The following FSHR variants were observed in gnomAD, a reference collection of about 807,000 sequenced individuals.
FSHR encodes follicle stimulating hormone receptor.
Under a neutral mutation model 52.1 loss-of-function variants are expected in FSHR, and 46 were observed. That is an observed-to-expected ratio of 0.88 (90% CI 0.70 to 1.13). The LOEUF is 1.13. FSHR is among the 50% of genes most tolerant of loss of function. The pLI, the probability that FSHR is intolerant of heterozygous loss-of-function variation, is 0.00. For synonymous variants in FSHR, 399 were observed against 309.6 expected, an observed-to-expected ratio of 1.29 and a Z score of -3.03; for missense variants, 964 against 834.6, an observed-to-expected ratio of 1.16 and a Z score of -1.91.
At chr2:49,111,157 C>T (rs572173125) in intron 1 of FSHR, among the ~76,000 whole-genome samples, 2 of 152,122 alleles carry the variant, frequency 1.3e-5, no homozygotes, top group Non-Finnish European at 2.9e-5. Context: ...CATATGAGAG[C>T]CATGTTCTAT....
intron 6 of FSHR, among the ~76,000 whole-genome samples, chr2:48,986,713 A>G (rs1393417201): frequency 1.3e-5 from 2 of 152,308 alleles, no homozygotes; most frequent in East Asian, 1.9e-4. Flanking sequence ...GACAGGATCT[A>G]TATGTTTCCC....
chr2:49,060,787 G>T (rs1308498955), intron 2 of FSHR, among the ~76,000 whole-genome samples: 1 of 152,078 alleles, frequency 6.6e-6, no homozygotes, highest in East Asian at 1.9e-4. Context: ...CTCTCTCCCT[G>T]GGGAGTGCAG....
At chr2:48,994,934 T>A (rs1441388529) in intron 4 of FSHR, among the ~76,000 whole-genome samples, 3 of 152,114 alleles carry the variant, frequency 2.0e-5, no homozygotes, top group African/African-American at 7.2e-5. Context: ...AAAGTGAGCT[T>A]CTCTCCAATC....
rs1558457105 is a variant in FSHR, at chr2:49,127,898, C to CTTCTTCTTCTTCTTT, written c.152+26367_152+26368insAAAGAAGAAGAAGAA. 2.6e-3 allele frequency among the ~76,000 whole-genome samples: 70 copies of CTTCTTCTTCTTCTTT among 27,240 alleles called. 14 individuals carry two copies. The highest frequency in any genetic ancestry group is 4.8e-3 in the Admixed American group (11 of 2,286). 17.9% of individuals were successfully genotyped at this position (27,240 alleles called of 152,430 possible). A position where few individuals can be genotyped will look rare whatever the true frequency, so the allele number is the denominator to read the frequency against. ...TCTTCTTCTTCTTCTTCTTCTTCTT[C>CTTCTTCTTCTTCTTT]TTTTTTTTTTTTGAGACGGAGTCTT... On this transcript the variant is annotated intron_variant, in intron 1 of 9. Coordinates refer to ENST00000406846, the MANE Select transcript of FSHR (RefSeq NM_000145.4).
chr2:49,089,033 T>C (rs1428984711), intron 1 of FSHR, among the ~76,000 whole-genome samples: 1 of 151,866 alleles, frequency 6.6e-6, no homozygotes, highest in Non-Finnish European at 1.5e-5. Flanking sequence ...CTATAATAGA[T>C]TCAGAGAAAA....
In FSHR at chr2:49,139,706, T is replaced by C. The variant is rs375068391; in HGVS notation, c.152+14560A>G. Among the ~76,000 whole-genome samples, 28 of 151,712 alleles carry C rather than the reference T, an allele frequency of 1.8e-4. No individual in the cohort carries two copies. In the East Asian group the frequency reaches 4.1e-3, roughly 22 times the overall value. On this transcript the variant is annotated intron_variant, in intron 1 of 9. Coordinates refer to ENST00000406846, the MANE Select transcript of FSHR (RefSeq NM_000145.4). ...TCCGTCTCCTGGGTTCACGCCATTC[T>C]CCTGCCTCAGCCTCCTGAGTAGCTG... is the stretch of plus-strand genomic sequence containing the variant.
At chr2:48,965,094 C>T (rs910430507) in intron 9 of FSHR, among the ~76,000 whole-genome samples, 11 of 151,986 alleles carry the variant, frequency 7.2e-5, no homozygotes, top group Admixed American at 5.2e-4. Context: ...TTTTTTAAAC[C>T]TTGACATAAC....
chr2:49,054,778 T>C (rs1453688502), intron 2 of FSHR, among the ~76,000 whole-genome samples: 1 of 152,154 alleles, frequency 6.6e-6, no homozygotes, highest in Admixed American at 6.6e-5. Context: ...ATTACTAGCA[T>C]GGATTACAGA....
At chr2:49,013,068 CTCTT>C (rs759999315) in intron 4 of FSHR, among the ~76,000 whole-genome samples, 6 of 151,898 alleles carry the variant, frequency 4.0e-5, no homozygotes, top group Non-Finnish European at 8.8e-5. Flanking sequence ...ACTCAAGTCT[CTCTT>C]TCTCCTTTCT....
intron 1 of FSHR, among the ~76,000 whole-genome samples, chr2:49,096,986 C>A (rs1230089786): frequency 1.3e-5 from 2 of 152,148 alleles, no homozygotes; most frequent in East Asian, 3.9e-4. Flanking sequence ...CAAGCAATAG[C>A]CAGCACTGTG....
At chr2:49,102,599 A>C (rs1027840423) in intron 1 of FSHR, among the ~76,000 whole-genome samples, 6 of 152,190 alleles carry the variant, frequency 3.9e-5, no homozygotes, top group African/African-American at 1.4e-4. Context: ...ATGTGCTCTG[A>C]AAGTGAGTGC....
rs1674301423 is a variant in FSHR at position 48,963,047 on chromosome 2, C to A, written c.1774G>T (p.Ala592Ser). The A allele has an allele frequency of 3.1e-6, 5 of 1,613,934 alleles. No homozygotes were observed. The highest frequency in any genetic ancestry group is 4.2e-6 in the Non-Finnish European group (5 of 1,179,956). ...FLCMAPISFF[A>S]ISASLKVPLI... ...GGCACCTTGAGGGAGGCAGAAATGG[C>A]AAAGAAAGAAATGGGTGCCATGCAG... The change falls in exon 10 of 10, where the codon GCC (alanine) becomes TCC (serine). Residue 592 changes from alanine to serine, a missense_variant. Transcript: ENST00000406846.
intron 8 of FSHR, among the ~76,000 whole-genome samples, chr2:48,974,473 C>T (rs2268361): frequency 0.54 from 81,715 of 152,066 alleles, 23,651 homozygotes; most frequent in Non-Finnish European, 0.65. Context: ...GGCATCTTGT[C>T]AGTGCCCTGG....
At chr2:49,085,529 G>A (rs561943881) in intron 1 of FSHR, among the ~76,000 whole-genome samples, 48 of 152,176 alleles carry the variant, frequency 3.2e-4, no homozygotes, top group African/African-American at 4.6e-4. Context: ...CAACTATGTG[G>A]TCAATTTTGG....
At chr2:49,088,955 C>T (rs1361540138) in intron 1 of FSHR, among the ~76,000 whole-genome samples, 1 of 152,092 alleles carries the variant, frequency 6.6e-6, no homozygotes, top group Non-Finnish European at 1.5e-5. Context: ...TTATATTTTA[C>T]TGACTGTGTA....
intron 1 of FSHR, among the ~76,000 whole-genome samples, chr2:49,148,011 T>C (rs1672930955): frequency 6.6e-6 from 1 of 151,936 alleles, no homozygotes; most frequent in Admixed American, 6.6e-5. Context: ...ACAATCAAAG[T>C]ACATCTGAGG....
chr2:49,083,127 T>C (rs1375439099), intron 1 of FSHR, among the ~76,000 whole-genome samples: 2 of 151,704 alleles, frequency 1.3e-5, no homozygotes, highest in African/African-American at 2.4e-5. Context: ...GGGAAGCCCA[T>C]CAGACTAACA....
chr2:49,013,018 C>A (rs1023127819), intron 4 of FSHR, among the ~76,000 whole-genome samples: 3 of 151,692 alleles, frequency 2.0e-5, no homozygotes, highest in Non-Finnish European at 4.4e-5. Flanking sequence ...AGGATTATTG[C>A]CATTATATAA....
At chr2:49,048,224 A>G (rs1365311047) in intron 2 of FSHR, among the ~76,000 whole-genome samples, 2 of 152,040 alleles carry the variant, frequency 1.3e-5, no homozygotes, top group Non-Finnish European at 2.9e-5. Flanking sequence ...TATGTCAATC[A>G]TACCTCAAGA....
Sources: gnomAD v4.1 joint callset for allele counts (sites outside exome capture counted in the v4.1 genomes callset) on GRCh38, gnomAD v4.1.1 for gene constraint, MANE v1.5 for transcripts, NCBI Gene and HGNC (gene_info 2026-07-23, HGNC 2026-07-21) for gene names.